The following ABCC1 variants were observed in gnomAD, a reference collection of about 807,000 sequenced individuals.
ABCC1 encodes the protein ATP binding cassette subfamily C member 1 (ABCC1 blood group).
In ABCC1, 83 loss-of-function variants were observed where a neutral mutation model predicts 172.9. The observed-to-expected ratio is 0.48, with a 90% CI of 0.40 to 0.58. The LOEUF is 0.58. ABCC1 is among the 20% of genes least tolerant of loss of function. The pLI is 0.00. For synonymous variants in ABCC1, 937 were observed against 825.2 expected (o/e 1.14, Z -2.32); for missense variants, 1,817 against 2,002.7 (o/e 0.91, Z 1.77).
intron 30 of ABCC1, 49 bp from the exon 31 acceptor site, chr16:16,141,124 G>C (rs956480126): frequency 6.4e-7 from 1 of 1,559,772 alleles, no homozygotes; most frequent in African/African-American, 1.4e-5. Flanking sequence ...AGGGGCACGA[G>C]GTGCTCACCC....
At chr16:16,132,782 C>T (rs1596553932) in intron 27 of ABCC1, among the ~76,000 whole-genome samples, 1 of 150,190 alleles carries the variant, frequency 6.7e-6, no homozygotes. Context: ...TCAGCCTCCC[C>T]AAGTGCTGGG....
At chr16:16,002,198 A>G (rs1269028237) in intron 1 of ABCC1, among the ~76,000 whole-genome samples, 1 of 152,250 alleles carries the variant, frequency 6.6e-6, no homozygotes, top group Non-Finnish European at 1.5e-5. Flanking sequence ...GTTCATGTAT[A>G]CTGCGGGATG....
intron 26 of ABCC1, among the ~76,000 whole-genome samples, chr16:16,128,271 G>A (rs1030257983): frequency 1.3e-5 from 2 of 152,018 alleles, no homozygotes; most frequent in South Asian, 4.1e-4. Context: ...TCCTTCTCCT[G>A]GGTTCAAGCG....
intron 3 of ABCC1, 134 bp downstream of exon 3, chr16:16,010,035 G>T (rs1245290916): frequency 4.1e-4 from 50 of 121,798 alleles, no homozygotes; most frequent in Non-Finnish European, 4.7e-4. Flanking sequence ...ATTAAATGTA[G>T]CCTTTTTTTT....
intron 14 of ABCC1, among the ~76,000 whole-genome samples, chr16:16,075,955 C>T (rs1045034697): frequency 2.0e-5 from 3 of 150,158 alleles, no homozygotes; most frequent in South Asian, 2.2e-4. Flanking sequence ...GGCCACTGCT[C>T]GGCCCTCCCA....
chr16:15,970,304 CAGAGTA>C (rs1426936431), intron 1 of ABCC1, among the ~76,000 whole-genome samples: 1 of 152,184 alleles, frequency 6.6e-6, no homozygotes, highest in African/African-American at 2.4e-5. Context: ...AGTAGGAAAG[CAGAGTA>C]AGGGCACAAC....
chr16:15,958,408 C>G (rs1373430291), intron 1 of ABCC1, among the ~76,000 whole-genome samples: 1 of 152,178 alleles, frequency 6.6e-6, no homozygotes, highest in Admixed American at 6.5e-5. Context: ...CCGTGCCTGG[C>G]CTGTTGCCTT....
rs757411793 is a variant in ABCC1 at position 16,045,896 on chromosome 16, C to T, written c.1101C>T (p.Thr367=). ...KAPDWQGYFY[T]VLLFVTACLQ... ...CAGACTGGCAGGGCTACTTCTACAC[C>T]GTGCTGCTGTTTGTCACTGCCTGCC... The change falls in exon 9 of 31, where the codon ACC becomes ACT. Residue 367 remains threonine, a synonymous_variant. Coordinates refer to ENST00000399410, the MANE Select transcript of ABCC1 (RefSeq NM_004996.4). 27 of 1,614,064 alleles carry T rather than the reference C, an allele frequency of 1.7e-5. No homozygotes were observed. The highest frequency in any genetic ancestry group is 2.1e-5 in the Non-Finnish European group (25 of 1,180,040).
chr16:16,085,800 G>A (rs534034118), intron 17 of ABCC1, among the ~76,000 whole-genome samples: 4 of 152,272 alleles, frequency 2.6e-5, no homozygotes, highest in African/African-American at 9.6e-5. Context: ...AAGAAGGCAC[G>A]TGGCTGCCAG....
At chr16:16,108,957 A>T (rs1192126352) in intron 21 of ABCC1, among the ~76,000 whole-genome samples, 1 of 151,928 alleles carries the variant, frequency 6.6e-6, no homozygotes, top group Non-Finnish European at 1.5e-5. Flanking sequence ...GAGGTTCCTG[A>T]ACGCTGCAGG....
intron 16 of ABCC1, among the ~76,000 whole-genome samples, chr16:16,082,011 G>A (rs985132163): frequency 1.9e-4 from 29 of 152,082 alleles, no homozygotes; most frequent in African/African-American, 6.7e-4. Flanking sequence ...GCAAGGCTTC[G>A]TTTCAAAAAA....
At chr16:16,137,833 G>A (rs1257754793) in intron 29 of ABCC1, among the ~76,000 whole-genome samples, 1 of 151,758 alleles carries the variant, frequency 6.6e-6, no homozygotes, top group Non-Finnish European at 1.5e-5. Context: ...GATACTAGGT[G>A]TGAGCCACTG....
chr16:16,131,963 C>T (rs374716115), intron 27 of ABCC1, 28 bp downstream of exon 27: 21 of 1,602,266 alleles, frequency 1.3e-5, no homozygotes, highest in Non-Finnish European at 1.7e-5. Flanking sequence ...CATTCCCTCA[C>T]CCATTCCCAG....
chr16:16,047,837 T>G, intron 9 of ABCC1, among the ~76,000 whole-genome samples: 2 of 35,620 alleles, frequency 5.6e-5, no homozygotes, highest in East Asian at 9.9e-4. Flanking sequence ...CCCCCACCAC[T>G]CCCCCCAGAA....
At chr16:16,029,822 C>G (rs1445594787) in intron 5 of ABCC1, among the ~76,000 whole-genome samples, 1 of 152,096 alleles carries the variant, frequency 6.6e-6, no homozygotes, top group Non-Finnish European at 1.5e-5. Flanking sequence ...TTGAGACCAG[C>G]CTGATCAATA....
chr16:16,037,303 A>G lies in ABCC1; in HGVS notation c.809+700A>G, dbSNP rs59482789. Among the ~76,000 whole-genome samples, 7 of 152,162 alleles carry G rather than the reference A, an allele frequency of 4.6e-5. No individual in the cohort carries two copies. The East Asian group carries it at 1.4e-3, about 29-fold the overall frequency. ...AAGTCTGTTTAGCCAAAGAAGCCCC[A>G]TTTGAGGGTGATTTTGGCTGTACTG... On this transcript the variant is annotated intron_variant, in intron 7 of 30. Transcript: ENST00000399410.
intron 1 of ABCC1, among the ~76,000 whole-genome samples, chr16:15,997,887 C>G (rs970584310): frequency 2.7e-5 from 4 of 148,466 alleles, no homozygotes; most frequent in African/African-American, 1.0e-4. Context: ...GATCTCTGCT[C>G]ACTGCAACCT....
chr16:16,097,537 C>T (rs1354058755), intron 19 of ABCC1, among the ~76,000 whole-genome samples: 3 of 152,294 alleles, frequency 2.0e-5, no homozygotes, highest in Admixed American at 1.3e-4. Flanking sequence ...CAAGGCATGT[C>T]CTGCATAAGC....
chr16:16,005,737 A>G (rs1285644238), intron 1 of ABCC1, among the ~76,000 whole-genome samples: 2 of 152,176 alleles, frequency 1.3e-5, no homozygotes, highest in East Asian at 1.9e-4. Context: ...TTGGCAGATC[A>G]CCTGAGGTTT....
Sources: allele counts gnomAD v4.1 joint callset (sites outside exome capture counted in the v4.1 genomes callset), GRCh38; gene constraint gnomAD v4.1.1; transcripts MANE v1.5; gene names NCBI Gene and HGNC (gene_info 2026-07-23, HGNC 2026-07-21).